GRIK1: variants seen among roughly 807,000 people sequenced by gnomAD.
GRIK1 encodes glutamate ionotropic receptor kainate type subunit 1.
In GRIK1, 69 loss-of-function variants were observed where a neutral mutation model predicts 105.7. The ratio of observed to expected loss-of-function variants is 0.65; its 90% CI spans 0.54 to 0.80. The LOEUF is 0.80. Among genes scored for constraint, GRIK1 ranks in the 30% least tolerant of loss-of-function variants. The pLI, the probability that GRIK1 is intolerant of heterozygous loss-of-function variation, is 0.00. For synonymous variants in GRIK1, 438 were observed against 431.3 expected (o/e 1.02, Z -0.19); for missense variants, 1,109 against 1,167.3 (o/e 0.95, Z 0.73).
intron 14 of GRIK1, among the ~76,000 whole-genome samples, chr21:29,565,544 G>A (rs2090592830): frequency 2.0e-5 from 3 of 152,036 alleles, no homozygotes; most frequent in South Asian, 4.1e-4. Context: ...ATGATTCTCC[G>A]GCCTCAGCCT....
At chr21:29,706,366 C>T (rs879797593) in intron 1 of GRIK1, among the ~76,000 whole-genome samples, 3 of 152,196 alleles carry the variant, frequency 2.0e-5, no homozygotes, top group Non-Finnish European at 4.4e-5. Flanking sequence ...GACAGCATCT[C>T]AGATGCAAGC....
chr21:29,582,785 CT>C (rs1300664203), intron 12 of GRIK1, among the ~76,000 whole-genome samples: 3 of 152,048 alleles, frequency 2.0e-5, no homozygotes, highest in African/African-American at 7.2e-5. Context: ...GCCATTGGGT[CT>C]TTTCAATGCA....
At chr21:29,831,502 TG>T (rs1232023529) in intron 1 of GRIK1, among the ~76,000 whole-genome samples, 6 of 152,146 alleles carry the variant, frequency 3.9e-5, no homozygotes, top group South Asian at 4.1e-4. Flanking sequence ...AAAGCATGGC[TG>T]GGGAAGCCTC....
chr21:29,744,148 G>C (rs2145614723), intron 1 of GRIK1, among the ~76,000 whole-genome samples: 1 of 150,796 alleles, frequency 6.6e-6, no homozygotes, highest in African/African-American at 2.5e-5. Context: ...CTTGAGGATG[G>C]ATGAGCCAAG....
intron 4 of GRIK1, among the ~76,000 whole-genome samples, chr21:29,660,680 C>T (rs563453189): frequency 3.3e-5 from 5 of 152,138 alleles, no homozygotes; most frequent in African/African-American, 4.8e-5. Context: ...TTTATTACTG[C>T]TTTTTTTCCA....
At chr21:29,885,445 CA>C (rs1198151334) in intron 1 of GRIK1, among the ~76,000 whole-genome samples, 1 of 151,830 alleles carries the variant, frequency 6.6e-6, no homozygotes, top group Admixed American at 6.6e-5. Flanking sequence ...TAGAGATCTG[CA>C]AAAAAATCTT....
At chr21:29,710,453 C>T (rs1359314681) in intron 1 of GRIK1, among the ~76,000 whole-genome samples, 1 of 152,090 alleles carries the variant, frequency 6.6e-6, no homozygotes, top group Admixed American at 6.5e-5. Context: ...CTTAAAAAAA[C>T]TAATCAGTGT....
intron 1 of GRIK1, among the ~76,000 whole-genome samples, chr21:29,741,140 C>A (rs1470279386): frequency 6.6e-6 from 1 of 152,164 alleles, no homozygotes; most frequent in African/African-American, 2.4e-5. Flanking sequence ...TCCAAACTAT[C>A]CTTTCTGGTG....
chr21:29,902,918 T>G (rs2070462331), intron 1 of GRIK1, among the ~76,000 whole-genome samples: 1 of 152,186 alleles, frequency 6.6e-6, no homozygotes, highest in African/African-American at 2.4e-5. Flanking sequence ...AGTATGGTAC[T>G]GGTACCAAAA....
intron 1 of GRIK1, among the ~76,000 whole-genome samples, chr21:29,737,860 A>G (rs763163212): frequency 3.3e-5 from 5 of 152,274 alleles, no homozygotes; most frequent in Non-Finnish European, 5.9e-5. Context: ...AAGTCTGGGA[A>G]GTATTTTACA....
chr21:29,735,847 A>T (rs2064777380), intron 1 of GRIK1, among the ~76,000 whole-genome samples: 1 of 8,398 alleles, frequency 1.2e-4, no homozygotes, highest in Admixed American at 8.7e-4. Context: ...ACTCCGTCTC[A>T]AAAAAAAAAA....
intron 1 of GRIK1, among the ~76,000 whole-genome samples, chr21:29,701,705 G>C (rs1272113057): frequency 1.3e-5 from 2 of 152,180 alleles, no homozygotes; most frequent in African/African-American, 4.8e-5. Context: ...AGCACAGGGA[G>C]ATCTGCCCTT....
rs546772934 is a variant in GRIK1, at chr21:29,891,565, A to C, written c.118+47818T>G. ...ATCATCAATAGCTGAAGCAATGCTC[A>C]TCTGTGACCATCTGTTCTTACTATA... On this transcript the variant is annotated intron_variant, in intron 1 of 17. Transcript: ENST00000327783. Among the ~76,000 whole-genome samples, 4 of 152,334 alleles carry C rather than the reference A, an allele frequency of 2.6e-5. No individual in the cohort carries two copies. The East Asian group carries it at 7.7e-4, about 29-fold the overall frequency.
chr21:29,767,864 A>ATGTGTGTG lies in GRIK1; in HGVS notation c.119-73809_119-73802dup, dbSNP rs60618188. Among the ~76,000 whole-genome samples, 99 of 147,340 alleles carry ATGTGTGTG rather than the reference A, an allele frequency of 6.7e-4. 2 individuals carry two copies. The highest frequency in any genetic ancestry group is 1.2e-3 in the Admixed American group (18 of 14,916). ...TGTGTGTTCTCCTCAGCTGAAATTCATGTGTGTGTGTGTGTGTGTGTGTGT... is the reference window on the plus strand; with the variant it reads ...TGTGTGTTCTCCTCAGCTGAAATTCATGTGTGTGTGTGTGTGTGTGTGTGTGTGTGTGT... On this transcript the variant is annotated intron_variant, in intron 1 of 17. Transcript: ENST00000327783.
At chr21:29,668,199 CT>C (rs550360631) in intron 4 of GRIK1, among the ~76,000 whole-genome samples, 2 of 152,142 alleles carry the variant, frequency 1.3e-5, no homozygotes, top group Non-Finnish European at 2.9e-5. Context: ...ACAAAGAAGG[CT>C]TCTGTCCTCT....
In GRIK1 at chr21:29,561,650, T is replaced by G; in HGVS notation, c.2330A>C (p.Lys777Thr). Residue 777 changes from lysine (K) to threonine (T), a missense_variant, in exon 15 of 18, where the codon AAA becomes ACA. Transcript: ENST00000327783. ...AATAGGTGTTCCCACTCCGTAACCT[T>G]TGGAGTCAATGAGGCCCCCGATCTG... ...LTQIGGLIDS[K>T]GYGVGTPIGS... 8.7e-6 allele frequency: 14 copies of G among 1,612,354 alleles called. No individual in the cohort carries two copies. The highest frequency in any genetic ancestry group is 1.2e-5 in the Non-Finnish European group (14 of 1,178,388).
At chr21:29,604,545 A>AT (rs2061577561) in intron 7 of GRIK1, among the ~76,000 whole-genome samples, 1 of 152,166 alleles carries the variant, frequency 6.6e-6, no homozygotes, top group African/African-American at 2.4e-5. Context: ...TGAGGAATCC[A>AT]TTTTTCTGGG....
intron 7 of GRIK1, among the ~76,000 whole-genome samples, chr21:29,635,462 C>T (rs186081693): frequency 6.6e-6 from 1 of 152,268 alleles, no homozygotes; most frequent in Admixed American, 6.5e-5. Context: ...AACACCACTC[C>T]TGGTGAATAG....
intron 1 of GRIK1, among the ~76,000 whole-genome samples, chr21:29,874,862 G>A (rs1047302424): frequency 6.6e-6 from 1 of 152,138 alleles, no homozygotes; most frequent in Admixed American, 6.5e-5. Context: ...AACCATATCA[G>A]CCATGTTGAT....
Sources: allele counts gnomAD v4.1 joint callset (sites outside exome capture counted in the v4.1 genomes callset), GRCh38; gene constraint gnomAD v4.1.1; transcripts MANE v1.5; gene names NCBI Gene and HGNC (gene_info 2026-07-23, HGNC 2026-07-21).